Variants in RBBP8 observed in about 807,000 individuals in gnomAD.
RBBP8 encodes the protein DNA endonuclease RBBP8.
A neutral mutation model predicts 108.3 loss-of-function variants in RBBP8; 88 were observed. The ratio of observed to expected loss-of-function variants is 0.81; its 90% confidence interval spans 0.68 to 0.97. RBBP8 has a LOEUF of 0.97. Ranked by LOEUF, RBBP8 falls within the 50% of genes least tolerant of loss-of-function variation. RBBP8 has a pLI of 0.00. For synonymous variants in RBBP8, 332 were observed against 348.2 expected, an observed-to-expected ratio of 0.95 and a Z score of 0.52; for missense variants, 1,023 against 1,049.0, an observed-to-expected ratio of 0.98 and a Z score of 0.34.
chr18:22,971,724 C>T (rs113807858), intron 5 of RBBP8, among the ~76,000 whole-genome samples: 2,449 of 146,788 alleles, frequency 0.017, 76 homozygotes, highest in African/African-American at 0.059. Flanking sequence ...CTGCTCACTG[C>T]AACCTCTGCC....
chr18:23,011,842 C>T (rs1001909147), intron 16 of RBBP8, among the ~76,000 whole-genome samples: 3 of 152,030 alleles, frequency 2.0e-5, no homozygotes, highest in African/African-American at 7.2e-5. Context: ...CTCCACCAAC[C>T]GACCATTTTC....
At chr18:23,019,203 A>G (rs548106481) in intron 17 of RBBP8, among the ~76,000 whole-genome samples, 1 of 152,362 alleles carries the variant, frequency 6.6e-6, no homozygotes, top group East Asian at 1.9e-4. Context: ...AGTTATAACC[A>G]TAATTCTATG....
chr18:22,967,712 TCTC>T (rs1462684521), intron 4 of RBBP8, among the ~76,000 whole-genome samples: 1 of 148,866 alleles, frequency 6.7e-6, no homozygotes, highest in Non-Finnish European at 1.5e-5. Flanking sequence ...AGTGGTGCAA[TCTC>T]AGCTCACTGC....
At chr18:22,963,550 A>G (rs1200455432) in intron 4 of RBBP8, among the ~76,000 whole-genome samples, 1 of 152,126 alleles carries the variant, frequency 6.6e-6, no homozygotes, top group African/African-American at 2.4e-5. Context: ...TTTCAAACAG[A>G]TCTGTCTCAG....
At position 22,937,921 on chromosome 18, in the gene RBBP8, G is replaced by C. The variant is rs142880894; in HGVS notation, c.109+961G>C. Among the ~76,000 whole-genome samples, 386 of 152,022 alleles carry C rather than the reference G, an allele frequency of 2.5e-3. 2 individuals carry two copies. The highest frequency in any genetic ancestry group is 0.017 in the Middle Eastern group (5 of 292). ...GCTCACTGCAGCTTTAACCTCCCAG[G>C]CTCAGGTGTTCCTCCCACCTTAGCC... On this transcript the variant is annotated intron_variant, in intron 2 of 18. Transcript: ENST00000327155.
chr18:23,012,019 G>A (rs893560334), intron 16 of RBBP8, among the ~76,000 whole-genome samples: 1 of 151,844 alleles, frequency 6.6e-6, no homozygotes, highest in African/African-American at 2.4e-5. Flanking sequence ...TGGGCAACAT[G>A]GAAGAACTCC....
At position 23,016,943 on chromosome 18, in the gene RBBP8, AC is replaced by A; in HGVS notation, c.2454+20del. The A allele has an allele frequency of 6.4e-7, 1 of 1,567,696 alleles. No individual in the cohort carries two copies. Among genetic ancestry groups the A allele is most frequent in the Non-Finnish European group, 8.8e-7 (1 of 1,138,364 alleles). ...TGAAATTGTAAGTACTAATGTAGAT[AC>A]TAATTTTTTTTTAAGTACGGCTTTA... is the stretch of plus-strand genomic sequence containing the variant. On this transcript the variant is annotated intron_variant, in intron 17 of 18. Coordinates refer to ENST00000327155, the MANE Select transcript of RBBP8 (RefSeq NM_002894.3).
chr18:22,967,149 G>A (rs1157056696), intron 4 of RBBP8, among the ~76,000 whole-genome samples: 3 of 152,208 alleles, frequency 2.0e-5, no homozygotes, highest in South Asian at 2.1e-4. Flanking sequence ...AGCGGATCAC[G>A]AGGTTGGGAG....
At chr18:22,984,537 A>T (rs898864128) in intron 7 of RBBP8, among the ~76,000 whole-genome samples, 2 of 152,162 alleles carry the variant, frequency 1.3e-5, no homozygotes, top group African/African-American at 4.8e-5. Flanking sequence ...GTCATGAGCC[A>T]CTGTGCCCAG....
chr18:22,991,881 T>G (rs1379013529), intron 10 of RBBP8, among the ~76,000 whole-genome samples: 6 of 152,232 alleles, frequency 3.9e-5, no homozygotes. Context: ...TCTATATATG[T>G]ATATCACAGT....
At chr18:23,012,244 C>A (rs922551752) in intron 16 of RBBP8, among the ~76,000 whole-genome samples, 1 of 141,652 alleles carries the variant, frequency 7.1e-6, no homozygotes, top group African/African-American at 2.7e-5. Flanking sequence ...AACTATGATG[C>A]CCTTTAAGTA....
intron 15 of RBBP8, 100 bp from the exon 16 acceptor site, chr18:23,006,262 TA>T: frequency 9.7e-7 from 1 of 1,028,966 alleles, no homozygotes; most frequent in Non-Finnish European, 1.5e-6. Flanking sequence ...TGAAACCCAA[TA>T]AAAATGGAAG....
chr18:22,937,168 C>A, intron 2 of RBBP8: 1 of 1,055,544 alleles, frequency 9.5e-7, no homozygotes, highest in Non-Finnish European at 1.3e-6. Flanking sequence ...GCATGGTACC[C>A]CATAGGTAGT....
chr18:23,024,758 AAAGTATAG>A (rs2046427321), intron 18 of RBBP8: 1 of 152,236 alleles, frequency 6.6e-6, no homozygotes. Flanking sequence ...ATGTGATTGA[AAAGTATAG>A]TAGTGTTTAG....
chr18:22,934,984 CAAATAT>C (rs1271990971), intron 1 of RBBP8, among the ~76,000 whole-genome samples: 2 of 148,034 alleles, frequency 1.4e-5, no homozygotes, highest in African/African-American at 4.9e-5. Flanking sequence ...TATATAAATA[CAAATAT>C]TAATATTAAT....
chr18:22,998,906 G>A (rs1285569086), intron 14 of RBBP8, among the ~76,000 whole-genome samples: 2 of 152,162 alleles, frequency 1.3e-5, no homozygotes, highest in African/African-American at 4.8e-5. Flanking sequence ...GTAGTTTATT[G>A]CCATTTTATG....
chr18:22,988,059 A>G (rs1263092233), intron 8 of RBBP8, among the ~76,000 whole-genome samples: 1 of 152,142 alleles, frequency 6.6e-6, no homozygotes, highest in African/African-American at 2.4e-5. Context: ...ACAGCCTCTA[A>G]GTCTTACTGA....
rs981211825 is a variant in RBBP8, at chr18:23,016,848, T to C, written c.2378T>C (p.Phe793Ser). 1 of 1,613,798 alleles carries C rather than the reference T, an allele frequency of 6.2e-7. No homozygotes were observed. The highest frequency in any genetic ancestry group is 8.5e-7 in the Non-Finnish European group (1 of 1,179,782). The change falls in exon 17 of 19, where the codon TTT becomes TCT. Residue 793 changes from phenylalanine (F) to serine (S), a missense_variant. By Grantham distance (155) the Phe-to-Ser change is radical (BLOSUM62 -2). Transcript: ENST00000327155. ...GDERETSLQN[F>S]PHIEVVRKKE... ...CCCAGAGAGACTAGCTTGCAAAATTTTCCTCATATTGAGGTGGTTCGGAAA... is the reference window on the plus strand; with the variant it reads ...CCCAGAGAGACTAGCTTGCAAAATTCTCCTCATATTGAGGTGGTTCGGAAA...
chr18:22,919,061 G>C (rs1909478499), intron 3 of RBBP8, among the ~76,000 whole-genome samples: 1 of 152,132 alleles, frequency 6.6e-6, no homozygotes, highest in Non-Finnish European at 1.5e-5. Context: ...AAAATGTATA[G>C]AGCACAAGAA....
Sources: gnomAD v4.1 joint callset for allele counts (sites outside exome capture counted in the v4.1 genomes callset) on GRCh38, gnomAD v4.1.1 for gene constraint, MANE v1.5 for transcripts, NCBI Gene and HGNC (gene_info 2026-07-23, HGNC 2026-07-21) for gene names.